The following KIAA1549L variants were observed in gnomAD, a reference collection of about 807,000 sequenced individuals.
KIAA1549L encodes the protein UPF0606 protein KIAA1549L.
In KIAA1549L, 88 loss-of-function variants were observed where a neutral mutation model predicts 160.7. The observed-to-expected ratio is 0.55, with a 90% confidence interval of 0.46 to 0.65. KIAA1549L has a LOEUF of 0.65. KIAA1549L is among the 30% of genes least tolerant of loss of function. The probability of loss-of-function intolerance (pLI) is 0.00; values close to 1 mark genes in which losing one functional copy is unlikely to be tolerated. For missense variants in KIAA1549L, 2,258 were observed against 2,437.5 expected, an observed-to-expected ratio of 0.93 and a Z score of 1.55; for synonymous variants, 950 against 976.7, an observed-to-expected ratio of 0.97 and a Z score of 0.51.
In KIAA1549L at chr11:33,538,500, A is replaced by T. The variant is rs115338596; in HGVS notation, c.239-3302A>T. ...CTTAATGTTTTTCTTAAGATGTGAC[A>T]CTCAGAAATCATCCCAGCTGACCAG... On this transcript the variant is annotated intron_variant, in intron 1 of 20. Coordinates refer to ENST00000658780, the MANE Select transcript of KIAA1549L (RefSeq NM_012194.3). Among the ~76,000 whole-genome samples, 1,105 of 152,236 alleles carry T rather than the reference A, an allele frequency of 7.3e-3. 13 individuals are homozygous for T. The highest frequency in any genetic ancestry group is 0.025 in the African/African-American group (1,054 of 41,530).
intron 6 of KIAA1549L, among the ~76,000 whole-genome samples, chr11:33,559,127 C>T (rs1017540139): frequency 6.6e-5 from 10 of 152,060 alleles, no homozygotes; most frequent in Non-Finnish European, 1.0e-4. Flanking sequence ...TGTGAGCCAC[C>T]GTGCCCGGCC....
chr11:33,394,114 T>C (rs1361598199), intron 1 of KIAA1549L, among the ~76,000 whole-genome samples: 2 of 152,188 alleles, frequency 1.3e-5, no homozygotes, highest in Non-Finnish European at 1.5e-5. Context: ...GGCTCACACC[T>C]GTAATCCCAG....
At chr11:33,444,282 G>A (rs1253193499) in intron 1 of KIAA1549L, among the ~76,000 whole-genome samples, 1 of 151,952 alleles carries the variant, frequency 6.6e-6, no homozygotes, top group Non-Finnish European at 1.5e-5. Flanking sequence ...ATCCTTAGAA[G>A]ACTGATTAAT....
At chr11:33,645,594 C>T in intron 16 of KIAA1549L, 92 bp from the exon 17 acceptor site, 1 of 927,160 alleles carries the variant, frequency 1.1e-6, no homozygotes, top group Non-Finnish European at 1.7e-6. Context: ...TGCATCCTAG[C>T]ACCTGTCCAA....
intron 5 of KIAA1549L, 44 bp downstream of exon 5, chr11:33,551,303 C>T (rs1449077150): frequency 6.5e-7 from 1 of 1,536,580 alleles, no homozygotes. Context: ...TTCTTGGGTT[C>T]AGGGCCAGTA....
rs746339653 is a variant in KIAA1549L, at chr11:33,542,518, G to T, written c.955G>T (p.Gly319Ter). 4 of 1,613,344 alleles carry T rather than the reference G, an allele frequency of 2.5e-6. No individual in the cohort carries two copies. Among genetic ancestry groups the T allele is most frequent in the Non-Finnish European group, 3.4e-6 (4 of 1,179,318 alleles). The change falls in exon 2 of 21, where the codon GGA becomes TGA. Residue 319 changes from glycine to a stop codon, truncating the protein, a stop_gained. Transcript: ENST00000658780. LOFTEE classifies it high-confidence loss of function. ...LIGIPHLGVS[G>*]SSTKWHSELS... The stretch of plus-strand genomic sequence containing the variant: ...AGGCATCCCTCATCTAGGTGTTTCT[G>T]GATCCTCAACAAAATGGCATTCCGA...
intron 16 of KIAA1549L, among the ~76,000 whole-genome samples, chr11:33,640,019 T>G (rs1590428237): frequency 6.6e-6 from 1 of 152,226 alleles, no homozygotes; most frequent in South Asian, 2.1e-4. Flanking sequence ...GATACTTACT[T>G]ACAATATTGT....
At chr11:33,436,198 T>C (rs967038078) in intron 1 of KIAA1549L, among the ~76,000 whole-genome samples, 2 of 152,028 alleles carry the variant, frequency 1.3e-5, no homozygotes, top group Admixed American at 1.3e-4. Flanking sequence ...TGATCCCCCA[T>C]AGATACTGAG....
At chr11:33,524,406 CAAAGAG>C (rs1231926672) in intron 1 of KIAA1549L, among the ~76,000 whole-genome samples, 1 of 151,894 alleles carries the variant, frequency 6.6e-6, no homozygotes, top group East Asian at 1.9e-4. Context: ...CCAAAAGACC[CAAAGAG>C]GTCTTTTGAA....
intron 1 of KIAA1549L, among the ~76,000 whole-genome samples, chr11:33,438,697 T>C (rs1007195533): frequency 6.6e-6 from 1 of 152,224 alleles, no homozygotes; most frequent in African/African-American, 2.4e-5. Flanking sequence ...TCATTTAAAC[T>C]TTTTGACTAG....
At chr11:33,663,614 A>G (rs1852338935) in intron 20 of KIAA1549L, among the ~76,000 whole-genome samples, 1 of 152,152 alleles carries the variant, frequency 6.6e-6, no homozygotes, top group Admixed American at 6.5e-5. Flanking sequence ...CACAGCAAGT[A>G]CAGTTAGCTG....
rs188917289 is a variant in KIAA1549L at position 33,433,019 on chromosome 11, C to G, written c.238+56130C>G. On this transcript the variant is annotated intron_variant, in intron 1 of 20. Transcript: ENST00000658780. ...TAGGCAATACCATTCAGGACATAGG[C>G]ATGGGCAAAGACTTCATGACAAAAA... Among the ~76,000 whole-genome samples, 215 of 152,314 alleles carry G rather than the reference C, an allele frequency of 1.4e-3. 1 individual carries two copies. Among genetic ancestry groups the G allele is most frequent in the African/African-American group, 4.9e-3 (203 of 41,550 alleles).
intron 1 of KIAA1549L, among the ~76,000 whole-genome samples, chr11:33,540,393 A>C (rs1853989453): frequency 6.6e-6 from 1 of 152,262 alleles, no homozygotes; most frequent in Non-Finnish European, 1.5e-5. Context: ...AGTTTAACTG[A>C]AAAATACAAA....
chr11:33,407,415 C>T (rs1413881955), intron 1 of KIAA1549L, among the ~76,000 whole-genome samples: 2 of 152,142 alleles, frequency 1.3e-5, no homozygotes, highest in Non-Finnish European at 2.9e-5. Context: ...GATCTTGGCT[C>T]ACTGCAACCT....
chr11:33,638,421 A>AT (rs1491493213), intron 16 of KIAA1549L, among the ~76,000 whole-genome samples: 10 of 13,568 alleles, frequency 7.4e-4, no homozygotes, highest in East Asian at 3.6e-3. Context: ...TCTAAAATAA[A>AT]TAAAAAAAAA....
At chr11:33,441,486 G>C (rs536159382) in intron 1 of KIAA1549L, among the ~76,000 whole-genome samples, 11,323 of 111,248 alleles carry the variant, frequency 0.1, 465 homozygotes, top group Middle Eastern at 0.17. Context: ...GATCCCTGAG[G>C]AATCGCCACA....
At chr11:33,474,659 G>C (rs1852247360) in intron 1 of KIAA1549L, among the ~76,000 whole-genome samples, 1 of 152,218 alleles carries the variant, frequency 6.6e-6, no homozygotes, top group African/African-American at 2.4e-5. Context: ...ATTTGTAAAA[G>C]AGAGATAATG....
intron 1 of KIAA1549L, among the ~76,000 whole-genome samples, chr11:33,465,085 T>G (rs1852026865): frequency 8.0e-6 from 1 of 125,220 alleles, no homozygotes; most frequent in African/African-American, 3.1e-5. Flanking sequence ...AGACAGAGTC[T>G]CACTCTGCCA....
chr11:33,630,552 G>C (rs886541261), intron 16 of KIAA1549L, among the ~76,000 whole-genome samples: 1 of 152,098 alleles, frequency 6.6e-6, no homozygotes, highest in Non-Finnish European at 1.5e-5. Flanking sequence ...TCCAGGTGCC[G>C]TTTGTCACCC....
Sources: allele counts gnomAD v4.1 joint callset (sites outside exome capture counted in the v4.1 genomes callset), GRCh38; gene constraint gnomAD v4.1.1; transcripts MANE v1.5; gene names NCBI Gene and HGNC (gene_info 2026-07-23, HGNC 2026-07-21).